The following GRM7 variants were observed in gnomAD, a reference collection of about 807,000 sequenced individuals.
GRM7 encodes the protein glutamate metabotropic receptor 7.
A neutral mutation model predicts 84.5 loss-of-function variants in GRM7; 35 were observed. The ratio of observed to expected loss-of-function variants is 0.41; its 90% CI spans 0.32 to 0.55. The LOEUF is 0.55. GRM7 is among the 20% of genes least tolerant of loss of function. The pLI, the probability that GRM7 is intolerant of heterozygous loss-of-function variation, is 0.19. For synonymous variants in GRM7, 487 were observed against 455.1 expected (o/e 1.07, Z -0.89); for missense variants, 1,003 against 1,194.6 (o/e 0.84, Z 2.36).
chr3:7,341,589 A>G (rs1692636544), intron 4 of GRM7, among the ~76,000 whole-genome samples: 1 of 152,050 alleles, frequency 6.6e-6, no homozygotes, highest in South Asian at 2.1e-4. Context: ...TAAGCAGTGC[A>G]CTCTGCATGT....
At chr3:7,398,677 G>A (rs746157167) in intron 4 of GRM7, among the ~76,000 whole-genome samples, 11 of 152,026 alleles carry the variant, frequency 7.2e-5, no homozygotes, top group Non-Finnish European at 1.3e-4. Flanking sequence ...TTTTGTGTCG[G>A]TGTTGGGGGG....
chr3:7,195,172 C>G (rs1050213473), intron 2 of GRM7, among the ~76,000 whole-genome samples: 4 of 152,116 alleles, frequency 2.6e-5, no homozygotes, highest in Admixed American at 2.6e-4. Context: ...TATTTTTAAA[C>G]AAAAGTCTTG....
chr3:7,402,693 T>C (rs1360933414), intron 4 of GRM7, among the ~76,000 whole-genome samples: 1 of 152,166 alleles, frequency 6.6e-6, no homozygotes, highest in Non-Finnish European at 1.5e-5. Context: ...AATTTAAGCT[T>C]CTCTAGGTGT....
intron 8 of GRM7, among the ~76,000 whole-genome samples, chr3:7,652,901 C>T (rs543787965): frequency 6.6e-6 from 1 of 152,156 alleles, no homozygotes; most frequent in Non-Finnish European, 1.5e-5. Context: ...GATCCCATTT[C>T]ATCCTCACCA....
chr3:7,603,933 A>G (rs555767900), intron 8 of GRM7, among the ~76,000 whole-genome samples: 1 of 152,348 alleles, frequency 6.6e-6, no homozygotes, highest in South Asian at 2.1e-4. Context: ...ATGTGTAAAT[A>G]GACACAAAAG....
chr3:7,085,622 T>C (rs938416533), intron 1 of GRM7, among the ~76,000 whole-genome samples: 1 of 152,160 alleles, frequency 6.6e-6, no homozygotes, highest in African/African-American at 2.4e-5. Flanking sequence ...CGAGCAAAGA[T>C]CTGTTCAGTT....
intron 5 of GRM7, among the ~76,000 whole-genome samples, chr3:7,434,439 G>A (rs1696959482): frequency 1.3e-5 from 2 of 152,102 alleles, no homozygotes; most frequent in African/African-American, 4.8e-5. Context: ...AATGTTTATA[G>A]ACTTTCTGTA....
At chr3:7,362,714 T>C (rs1211071152) in intron 4 of GRM7, among the ~76,000 whole-genome samples, 1 of 152,104 alleles carries the variant, frequency 6.6e-6, no homozygotes, top group Non-Finnish European at 1.5e-5. Context: ...CTTAGACTTA[T>C]ACTTTCAAGT....
Position 7,061,101 on chromosome 3 carries a change from G to A in GRM7, c.520-85351G>A, listed in dbSNP as rs533700243. The stretch of plus-strand genomic sequence containing the variant: ...TTCATAAAACTATTAAGATTTATAT[G>A]TGGGCAGACTCTTGAAGACCATACT... On this transcript the variant is annotated intron_variant, in intron 1 of 9. Coordinates refer to ENST00000357716, the MANE Select transcript of GRM7 (RefSeq NM_000844.4). 1.3e-5 allele frequency among the ~76,000 whole-genome samples: 2 copies of A among 151,868 alleles called. 1 individual carries two copies. Among genetic ancestry groups the A allele is most frequent in the South Asian group, 4.1e-4 (2 of 4,822 alleles).
intron 1 of GRM7, among the ~76,000 whole-genome samples, chr3:7,097,487 G>T (rs138262547): frequency 6.6e-6 from 1 of 152,010 alleles, no homozygotes. Context: ...CCTGTGGGGT[G>T]GAATCTAAAT....
intron 1 of GRM7, among the ~76,000 whole-genome samples, chr3:7,073,080 G>T (rs1697944351): frequency 6.6e-6 from 1 of 152,018 alleles, no homozygotes; most frequent in African/African-American, 2.4e-5. Flanking sequence ...TGATACCAGG[G>T]CTTCAGAAAA....
intron 1 of GRM7, among the ~76,000 whole-genome samples, chr3:6,895,419 C>G (rs900813413): frequency 6.6e-6 from 1 of 152,148 alleles, no homozygotes; most frequent in African/African-American, 2.4e-5. Context: ...TAATGACCAT[C>G]AGAATAACTG....
At chr3:7,640,656 C>T (rs1335221135) in intron 8 of GRM7, among the ~76,000 whole-genome samples, 1 of 152,152 alleles carries the variant, frequency 6.6e-6, no homozygotes, top group South Asian at 2.1e-4. Flanking sequence ...CTGAGAAATA[C>T]TATTTATAGC....
rs185631056 is a variant in GRM7 at position 7,701,156 on chromosome 3, T to C, written c.2698+20861T>C. Reference sequence around the variant, plus strand: ...TTGGGATTGGGCATGAGTGAGAAGCTCTGGCATAACGATACAGGGGACCTT... The same window carrying C: ...TTGGGATTGGGCATGAGTGAGAAGCCCTGGCATAACGATACAGGGGACCTT... On this transcript the variant is annotated intron_variant, in intron 9 of 9. Coordinates refer to ENST00000357716, the MANE Select transcript of GRM7 (RefSeq NM_000844.4). 2.8e-3 allele frequency among the ~76,000 whole-genome samples: 429 copies of C among 152,288 alleles called. 7 individuals carry two copies. The highest frequency in any genetic ancestry group is 0.02 in the Middle Eastern group (6 of 294).
At chr3:7,326,766 G>A (rs1701003661) in intron 4 of GRM7, among the ~76,000 whole-genome samples, 1 of 151,512 alleles carries the variant, frequency 6.6e-6, no homozygotes, top group Non-Finnish European at 1.5e-5. Flanking sequence ...CCCGGGAGGT[G>A]GAGGTTGCAG....
At chr3:6,905,614 A>G (rs1696547484) in intron 1 of GRM7, among the ~76,000 whole-genome samples, 1 of 152,122 alleles carries the variant, frequency 6.6e-6, no homozygotes, top group African/African-American at 2.4e-5. Context: ...ATTCCAATAG[A>G]TAATGTTAAA....
chr3:7,561,988 C>A (rs979646726), intron 7 of GRM7, among the ~76,000 whole-genome samples: 2 of 152,098 alleles, frequency 1.3e-5, no homozygotes, highest in African/African-American at 4.8e-5. Flanking sequence ...TATGTCACTG[C>A]CACATCCCCT....
At chr3:7,308,498 G>A (rs902250578) in intron 4 of GRM7, among the ~76,000 whole-genome samples, 2 of 152,172 alleles carry the variant, frequency 1.3e-5, no homozygotes, top group African/African-American at 4.8e-5. Flanking sequence ...TGTGTCTGGA[G>A]GGATGGAGGA....
chr3:7,149,476 T>A (rs1196304718), intron 2 of GRM7, among the ~76,000 whole-genome samples: 6 of 152,172 alleles, frequency 3.9e-5, no homozygotes, highest in Non-Finnish European at 8.8e-5. Context: ...TATTGGAATT[T>A]CTGGGCATAT....
Sources: gnomAD v4.1 joint callset for allele counts (sites outside exome capture counted in the v4.1 genomes callset) on GRCh38, gnomAD v4.1.1 for gene constraint, MANE v1.5 for transcripts, NCBI Gene and HGNC (gene_info 2026-07-23, HGNC 2026-07-21) for gene names.